PI4K2A: variants seen among roughly 807,000 people sequenced by gnomAD.
PI4K2A encodes phosphatidylinositol 4-kinase type 2 alpha.
Under a neutral mutation model 55.0 loss-of-function variants are expected in PI4K2A, and 20 were observed. The observed-to-expected ratio is 0.36, with a 90% confidence interval of 0.26 to 0.53. PI4K2A has a LOEUF of 0.53. Among genes scored for constraint, PI4K2A ranks in the 20% least tolerant of loss-of-function variants. PI4K2A has a pLI of 0.91. For synonymous variants in PI4K2A, 235 were observed against 258.5 expected, an observed-to-expected ratio of 0.91 and a Z score of 0.87; for missense variants, 463 against 637.1, an observed-to-expected ratio of 0.73 and a Z score of 2.94.
chr10:97,642,924 C>CTTT (rs1564772414), intron 1 of PI4K2A, among the ~76,000 whole-genome samples: 7 of 113,614 alleles, frequency 6.2e-5, no homozygotes, highest in Non-Finnish European at 5.5e-5. Flanking sequence ...TTCCTTCCTT[C>CTTT]CTTTCTTTCC....
chr10:97,666,433 T>C lies in PI4K2A; in HGVS notation c.1085-5T>C. ...AGCTTTGCCTTTGACTTTTCCTCTT[T>C]TCAGATCCTTTTTACTGGGCCTGGT... On this transcript the variant is annotated splice_polypyrimidine_tract_variant and splice_region_variant and intron_variant, in intron 6 of 8. Coordinates refer to ENST00000370631, the Ensembl canonical transcript of PI4K2A. 6.2e-7 allele frequency: 1 copy of C among 1,612,088 alleles called. No homozygotes were observed.
At chr10:97,647,275 A>G (rs1162541719) in intron 1 of PI4K2A, among the ~76,000 whole-genome samples, 3 of 152,212 alleles carry the variant, frequency 2.0e-5, no homozygotes, top group Non-Finnish European at 4.4e-5. Flanking sequence ...ATTGGCATCA[A>G]ACTGAAGCTC....
intron 1 of PI4K2A, among the ~76,000 whole-genome samples, chr10:97,642,190 A>G (rs1040706835): frequency 5.4e-4 from 82 of 152,206 alleles, no homozygotes; most frequent in African/African-American, 1.9e-3. Flanking sequence ...TGCTGTTTTA[A>G]TAGGAGTCCT....
chr10:97,666,706 A>T (rs1002343239), intron 7 of PI4K2A, 135 bp downstream of exon 7: 1 of 745,172 alleles, frequency 1.3e-6, no homozygotes, highest in African/African-American at 1.8e-5. Flanking sequence ...GAATAGCAAG[A>T]TTTCCACATG....
At chr10:97,647,588 G>A (rs368085363) in intron 1 of PI4K2A, among the ~76,000 whole-genome samples, 1 of 152,180 alleles carries the variant, frequency 6.6e-6, no homozygotes, top group South Asian at 2.1e-4. Context: ...CTTGCACATC[G>A]TTCTCCACAG....
chr10:97,672,668 T>C (rs77345036), intron 8 of PI4K2A, among the ~76,000 whole-genome samples: 8,915 of 151,618 alleles, frequency 0.059, 901 homozygotes, highest in African/African-American at 0.2. Flanking sequence ...ACTAAATGTT[T>C]TATGCATATC....
intron 8 of PI4K2A, among the ~76,000 whole-genome samples, chr10:97,669,508 C>T (rs572223992): frequency 1.3e-5 from 2 of 152,280 alleles, no homozygotes; most frequent in African/African-American, 2.4e-5. Flanking sequence ...CCATCTTGTG[C>T]TCCTAATGTC....
intron 8 of PI4K2A, among the ~76,000 whole-genome samples, chr10:97,667,401 G>C (rs1208924116): frequency 6.6e-6 from 1 of 152,100 alleles, no homozygotes; most frequent in Non-Finnish European, 1.5e-5. Flanking sequence ...GTAGAGACAG[G>C]GTTTTACCAT....
chr10:97,650,784 G>A (rs889241622), intron 1 of PI4K2A, among the ~76,000 whole-genome samples, 157 bp from the exon 2 acceptor site: 8 of 152,212 alleles, frequency 5.3e-5, no homozygotes, highest in Admixed American at 1.3e-4. Context: ...ACGAGCTGGT[G>A]TCTTCCCCTT....
intron 5 of PI4K2A, among the ~76,000 whole-genome samples, chr10:97,663,876 T>A (rs1196666460): frequency 6.7e-6 from 1 of 150,102 alleles, no homozygotes; most frequent in Non-Finnish European, 1.5e-5. Flanking sequence ...TTGCGCAGGC[T>A]GGAGTACAGT....
At chr10:97,666,403 A>G (rs200216332) in intron 6 of PI4K2A, 35 bp from the exon 7 acceptor site, 159 of 1,602,200 alleles carry the variant, frequency 9.9e-5, no homozygotes, top group Admixed American at 1.0e-4. Context: ...GACTTTTCCA[A>G]CACCAGCTTT....
intron 5 of PI4K2A, among the ~76,000 whole-genome samples, chr10:97,664,225 G>T (rs1169892255): frequency 6.6e-6 from 1 of 152,168 alleles, no homozygotes; most frequent in Non-Finnish European, 1.5e-5. Flanking sequence ...TCAGATTCAG[G>T]CATCCTGGAA....
chr10:97,663,172 A>T (rs1479329234), intron 5 of PI4K2A, among the ~76,000 whole-genome samples: 1 of 152,256 alleles, frequency 6.6e-6, no homozygotes, highest in African/African-American at 2.4e-5. Context: ...TAGGAATAGC[A>T]TGAAGAAAGG....
chr10:97,653,436 C>T (rs542168362), intron 2 of PI4K2A, among the ~76,000 whole-genome samples: 18 of 152,332 alleles, frequency 1.2e-4, no homozygotes, highest in African/African-American at 3.6e-4. Flanking sequence ...AAGCACATAG[C>T]TGAGTGAGTG....
intron 2 of PI4K2A, 37 bp downstream of exon 2, chr10:97,651,178 C>A: frequency 3.3e-6 from 5 of 1,512,536 alleles, no homozygotes; most frequent in South Asian, 1.1e-5. Flanking sequence ...TACTGCCTGG[C>A]CACAGTTTTC....
chr10:97,651,304 T>A (rs575417473), intron 2 of PI4K2A, among the ~76,000 whole-genome samples, 163 bp downstream of exon 2: 2 of 152,350 alleles, frequency 1.3e-5, no homozygotes, highest in Admixed American at 1.3e-4. Flanking sequence ...AGGCTTATGA[T>A]TTGATCACCT....
At position 97,659,991 on chromosome 10, in the gene PI4K2A, T is replaced by C. The variant is rs141644615; in HGVS notation, c.923-2916T>C. 6.5e-3 allele frequency among the ~76,000 whole-genome samples: 992 copies of C among 151,564 alleles called. 11 individuals are homozygous for C. Among genetic ancestry groups the C allele is most frequent in the African/African-American group, 0.023 (933 of 41,268 alleles). ...CCTTTCCCTTCCTTTTCTTTTCTTT[T>C]TCTTTCTTTTCTTTTTTTTTTTTTT... On this transcript the variant is annotated intron_variant, in intron 4 of 8. Coordinates refer to ENST00000370631, the Ensembl canonical transcript of PI4K2A.
chr10:97,645,799 G>C (rs986702428), intron 1 of PI4K2A, among the ~76,000 whole-genome samples: 1 of 151,708 alleles, frequency 6.6e-6, no homozygotes, highest in Non-Finnish European at 1.5e-5. Context: ...GCTCATTGCA[G>C]CCTTGGCCTC....
At chr10:97,640,777 G>C in exon 1 of PI4K2A, 1 of 1,505,106 alleles carries the variant, frequency 6.6e-7, no homozygotes, top group Non-Finnish European at 8.9e-7. Flanking sequence ...TCCCCCGAGC[G>C]GGCCCAACCC....
Sources: gnomAD v4.1 joint callset for allele counts (sites outside exome capture counted in the v4.1 genomes callset) on GRCh38, gnomAD v4.1.1 for gene constraint, MANE v1.5 for transcripts, NCBI Gene and HGNC (gene_info 2026-07-23, HGNC 2026-07-21) for gene names.